Variants in FRYL observed in about 807,000 individuals in gnomAD.
The protein encoded by FRYL is protein furry homolog-like.
FRYL carries 150 observed loss-of-function variants against 351.2 expected under a neutral mutation model. That is an observed-to-expected ratio of 0.43 (90% CI 0.37 to 0.49). The LOEUF (loss-of-function observed/expected upper bound fraction) is 0.49. Ranked by LOEUF, FRYL falls within the 20% of genes least tolerant of loss-of-function variation. The pLI is 0.00. For synonymous variants in FRYL, 1,153 were observed against 1,257.1 expected, an observed-to-expected ratio of 0.92 and a Z score of 1.75; for missense variants, 3,036 against 3,619.3, an observed-to-expected ratio of 0.84 and a Z score of 4.13.
intron 1 of FRYL, among the ~76,000 whole-genome samples, chr4:48,732,398 C>T (rs1214794532): frequency 6.6e-6 from 1 of 152,032 alleles, no homozygotes; most frequent in Non-Finnish European, 1.5e-5. Context: ...ACTAGAAATA[C>T]CATTTGACCC....
At chr4:48,621,563 C>A (rs536006965) in intron 5 of FRYL, among the ~76,000 whole-genome samples, 1 of 152,116 alleles carries the variant, frequency 6.6e-6, no homozygotes, top group African/African-American at 2.4e-5. Flanking sequence ...TGTGATTCAA[C>A]CCATTTCTCA....
At chr4:48,690,197 G>A (rs887984591) in intron 2 of FRYL, among the ~76,000 whole-genome samples, 25 of 151,952 alleles carry the variant, frequency 1.6e-4, no homozygotes, top group African/African-American at 5.8e-4. Flanking sequence ...GAGCCACCGC[G>A]CCCGGCCAGT....
chr4:48,631,176 T>C (rs977267286), intron 4 of FRYL, among the ~76,000 whole-genome samples: 8 of 152,082 alleles, frequency 5.3e-5, no homozygotes, highest in African/African-American at 1.7e-4. Context: ...AGGGGTAAAA[T>C]CTGTAAAATA....
intron 23 of FRYL, 78 bp from the exon 24 acceptor site, chr4:48,576,300 A>AT (rs1739586501): frequency 1.6e-5 from 17 of 1,096,516 alleles, no homozygotes; most frequent in Admixed American, 3.2e-5. Context: ...CTAATGCTAA[A>AT]TTTCTTTTTT....
At chr4:48,704,796 A>G (rs1483635561) in intron 2 of FRYL, among the ~76,000 whole-genome samples, 1 of 152,150 alleles carries the variant, frequency 6.6e-6, no homozygotes, top group Non-Finnish European at 1.5e-5. Context: ...TAAAAGTACA[A>G]AAATTAGCTG....
At chr4:48,580,795 T>C (rs777864624) in intron 22 of FRYL, 70 bp downstream of exon 22, 17 of 932,170 alleles carry the variant, frequency 1.8e-5, no homozygotes, top group Non-Finnish European at 5.1e-6. Flanking sequence ...TATGCACATG[T>C]ACATGTATAC....
At chr4:48,695,016 T>C (rs1472576468) in intron 2 of FRYL, among the ~76,000 whole-genome samples, 1 of 152,320 alleles carries the variant, frequency 6.6e-6, no homozygotes, top group Admixed American at 6.5e-5. Context: ...GAGCAGTGAC[T>C]GTGCCCCTGC....
At chr4:48,685,298 C>G (rs941354426) in intron 2 of FRYL, among the ~76,000 whole-genome samples, 5 of 152,278 alleles carry the variant, frequency 3.3e-5, no homozygotes, top group Non-Finnish European at 4.4e-5. Context: ...CCAATTGTCT[C>G]ATAAGTATCT....
chr4:48,681,281 G>A (rs1764572185), intron 3 of FRYL: 1 of 235,376 alleles, frequency 4.2e-6, no homozygotes, highest in Non-Finnish European at 8.4e-6. Flanking sequence ...TCAATTGCCA[G>A]CTGTTTTGAA....
At chr4:48,668,237 G>A (rs1762070878) in intron 3 of FRYL, among the ~76,000 whole-genome samples, 2 of 152,194 alleles carry the variant, frequency 1.3e-5, no homozygotes, top group African/African-American at 4.8e-5. Flanking sequence ...TTACAGAAAA[G>A]GTTTACTAAC....
intron 1 of FRYL, among the ~76,000 whole-genome samples, chr4:48,719,271 T>C (rs1156881629): frequency 1.3e-5 from 2 of 151,674 alleles, no homozygotes; most frequent in Non-Finnish European, 2.9e-5. Context: ...TCTGTGCAAA[T>C]GTATCCCATG....
intron 1 of FRYL, among the ~76,000 whole-genome samples, chr4:48,763,106 T>TGTA (rs33989912): frequency 1.1e-5 from 1 of 91,536 alleles, no homozygotes; most frequent in Non-Finnish European, 2.0e-5. Flanking sequence ...TACAGATCTG[T>TGTA]AAAAAAAAAA....
chr4:48,581,660 G>T, intron 20 of FRYL, 55 bp from the exon 21 acceptor site: 1 of 1,409,018 alleles, frequency 7.1e-7, no homozygotes, highest in Non-Finnish European at 9.6e-7. Context: ...AGACATTTCC[G>T]AAAAACAGTT....
intron 2 of FRYL, among the ~76,000 whole-genome samples, chr4:48,687,100 T>C (rs1342365629): frequency 6.6e-6 from 1 of 152,174 alleles, no homozygotes; most frequent in African/African-American, 2.4e-5. Context: ...TGTCTCCATA[T>C]GGATTACTTA....
chr4:48,511,194 A>G (rs1450665129), intron 57 of FRYL, among the ~76,000 whole-genome samples: 4 of 152,216 alleles, frequency 2.6e-5, no homozygotes, highest in Admixed American at 6.5e-5. Flanking sequence ...AAATAGTATT[A>G]CTGAAAAAAT....
chr4:48,557,593 G>T lies in FRYL; in HGVS notation c.3985C>A (p.Arg1329=). Residue 1329 remains arginine, a synonymous_variant, in exon 34 of 64, where the codon CGA becomes AGA. Transcript: ENST00000358350. ...VDLKPLPTAR[R]HDEDEDDSLK... ...GAATCATCTTCATCTTCATCATGTCGCCTTGCTGTGGGGAGAGGTTTTAAG... is the reference window on the plus strand; with the variant it reads ...GAATCATCTTCATCTTCATCATGTCTCCTTGCTGTGGGGAGAGGTTTTAAG... 6.2e-7 allele frequency: 1 copy of T among 1,614,044 alleles called. No individual in the cohort carries two copies. The highest frequency in any genetic ancestry group is 1.1e-5 in the South Asian group (1 of 91,074).
At chr4:48,564,367 A>G (rs1736252341) in intron 30 of FRYL, among the ~76,000 whole-genome samples, 1 of 152,206 alleles carries the variant, frequency 6.6e-6, no homozygotes, top group Non-Finnish European at 1.5e-5. Context: ...GTTAATGAAT[A>G]TGAATAGTGA....
At chr4:48,711,196 G>A (rs1164190954) in intron 1 of FRYL, among the ~76,000 whole-genome samples, 2 of 152,250 alleles carry the variant, frequency 1.3e-5, no homozygotes, top group African/African-American at 2.4e-5. Context: ...CTCACTAGGA[G>A]TGCCAGACAG....
intron 1 of FRYL, among the ~76,000 whole-genome samples, chr4:48,711,105 C>A (rs1156323009): frequency 6.6e-6 from 1 of 152,182 alleles, no homozygotes; most frequent in Non-Finnish European, 1.5e-5. Flanking sequence ...CGAATAGGAA[C>A]AGCTCCGGTC....
Sources: allele counts gnomAD v4.1 joint callset (sites outside exome capture counted in the v4.1 genomes callset), GRCh38; gene constraint gnomAD v4.1.1; transcripts MANE v1.5; gene names NCBI Gene and HGNC (gene_info 2026-07-23, HGNC 2026-07-21).